Variants in WASL observed in about 807,000 individuals in gnomAD.
WASL encodes the protein actin nucleation-promoting factor WASL.
A neutral mutation model predicts 55.5 loss-of-function variants in WASL; 20 were observed. That is an observed-to-expected ratio of 0.36 (90% confidence interval 0.25 to 0.52). The LOEUF (loss-of-function observed/expected upper bound fraction) is 0.52. Among genes scored for constraint, WASL ranks in the 20% least tolerant of loss-of-function variants. The pLI is 0.92. For synonymous variants in WASL, 249 were observed against 217.6 expected (o/e 1.14, Z -1.27); for missense variants, 504 against 622.5 (o/e 0.81, Z 2.03).
intron 8 of WASL, among the ~76,000 whole-genome samples, chr7:123,694,373 ATTATAT>A (rs1803460190): frequency 6.6e-6 from 1 of 152,172 alleles, no homozygotes; most frequent in Non-Finnish European, 1.5e-5. Context: ...TTAGAAAGTG[ATTATAT>A]TTAAATTATT....
At chr7:123,739,878 G>C (rs1220227544) in intron 1 of WASL, among the ~76,000 whole-genome samples, 1 of 55,702 alleles carries the variant, frequency 1.8e-5, no homozygotes, top group Admixed American at 1.8e-4. Context: ...ATTTATATAT[G>C]TGTGTGTGTG....
chr7:123,737,844 C>A (rs1804264397), intron 1 of WASL, among the ~76,000 whole-genome samples: 1 of 152,054 alleles, frequency 6.6e-6, no homozygotes, highest in South Asian at 2.1e-4. Context: ...AAAGATTATT[C>A]CACTTAACTA....
chr7:123,692,618 G>A lies in WASL; in HGVS notation c.1076C>T (p.Pro359Leu), dbSNP rs1322034113. The A allele has an allele frequency of 5.0e-6, 8 of 1,601,572 alleles. No individual in the cohort carries two copies. In the African/African-American group the frequency reaches 8.1e-5, roughly 16 times the overall value. Residue 359 changes from proline (P) to leucine (L), a missense_variant, in exon 9 of 11, where the codon CCA (proline) becomes CTA (leucine). Pro to Leu is a moderately conservative substitution (Grantham distance 98). Coordinates refer to ENST00000223023, the MANE Select transcript of WASL (RefSeq NM_003941.4). ...ALPSSAPSGP[P>L]PPPPSVLGVG... ...CCCCAACACAGATGGAGGTGGTGGT[G>A]GAGGCCCTGAAGGTGCTGAGGAGGG...
At chr7:123,687,397 C>A (rs1452907437) in intron 10 of WASL, among the ~76,000 whole-genome samples, 2 of 152,062 alleles carry the variant, frequency 1.3e-5, no homozygotes, top group African/African-American at 4.8e-5. Flanking sequence ...CCTTACTATT[C>A]TTTCCCTCCC....
rs903720448 is a variant in WASL at position 123,706,490 on chromosome 7, C to T, written c.340-117G>A. 21 of 941,146 alleles carry T rather than the reference C, an allele frequency of 2.2e-5. No individual in the cohort carries two copies. In the Admixed American group the frequency reaches 4.9e-4, roughly 22 times the overall value. The allele number at this position is 941,146 out of a possible 1,614,324, so 58.3% of individuals were successfully genotyped here. A position where few individuals can be genotyped will look rare whatever the true frequency, so the allele number is the denominator to read the frequency against. On this transcript the variant is annotated intron_variant, in intron 3 of 10. Transcript: ENST00000223023. Reference sequence around the variant, plus strand: ...AAGAACGAAAGGTTAATTTTACTAGCAGATAAGACATTATTTTATGATCTG... The same window carrying T: ...AAGAACGAAAGGTTAATTTTACTAGTAGATAAGACATTATTTTATGATCTG...
At chr7:123,711,962 T>C (rs1453742304) in intron 1 of WASL, among the ~76,000 whole-genome samples, 1 of 152,176 alleles carries the variant, frequency 6.6e-6, no homozygotes, top group Non-Finnish European at 1.5e-5. Context: ...GTAACTGTAA[T>C]GACATATTCA....
At chr7:123,748,024 G>C (rs184640659) in intron 1 of WASL, among the ~76,000 whole-genome samples, 13 of 152,118 alleles carry the variant, frequency 8.5e-5, no homozygotes, top group Admixed American at 5.2e-4. Context: ...ACCAGGCCTA[G>C]GCAAGGTTGC....
At chr7:123,712,574 G>A (rs1482714101) in intron 1 of WASL, among the ~76,000 whole-genome samples, 2 of 152,142 alleles carry the variant, frequency 1.3e-5, no homozygotes, top group African/African-American at 4.8e-5. Context: ...TCTGGATGAA[G>A]GATATATAGA....
chr7:123,740,491 T>C (rs991826706), intron 1 of WASL, among the ~76,000 whole-genome samples: 6 of 152,216 alleles, frequency 3.9e-5, no homozygotes, highest in Non-Finnish European at 8.8e-5. Flanking sequence ...TGAATATGGT[T>C]AAGCATGCCA....
rs866172215 is a variant in WASL at position 123,694,746 on chromosome 7, A to G, written c.795T>C (p.Val265=). Residue 265 remains valine, a synonymous_variant, in exon 8 of 11, where the codon GTT becomes GTC. Transcript: ENST00000223023. ...TCCGCAGTTCATTTTTAACAGCTTCAACACCTCCTGTTTTTTCAATAAAGT... is the reference window on the plus strand; with the variant it reads ...TCCGCAGTTCATTTTTAACAGCTTCGACACCTCCTGTTTTTTCAATAAAGT... ...IYDFIEKTGG[V]EAVKNELRRQ... is the part of the protein sequence containing the mutation. 3.7e-6 allele frequency: 6 copies of G among 1,613,158 alleles called. No individual in the cohort carries two copies. In the African/African-American group the frequency reaches 4.0e-5, roughly 11 times the overall value.
At chr7:123,707,074 T>C (rs1013295515) in intron 2 of WASL, among the ~76,000 whole-genome samples, 1 of 152,154 alleles carries the variant, frequency 6.6e-6, no homozygotes, top group African/African-American at 2.4e-5. Context: ...AGCTAAGATA[T>C]AATCTCACTA....
At chr7:123,687,654 T>C (rs1438252923) in intron 10 of WASL, among the ~76,000 whole-genome samples, 1 of 152,172 alleles carries the variant, frequency 6.6e-6, no homozygotes, top group East Asian at 1.9e-4. Context: ...TTGTCCTTAC[T>C]TCATGTCACC....
chr7:123,746,324 A>G (rs980407307), intron 1 of WASL, among the ~76,000 whole-genome samples: 3 of 152,206 alleles, frequency 2.0e-5, no homozygotes, highest in African/African-American at 7.2e-5. Flanking sequence ...AGCTTCGACT[A>G]TAACTGCTTC....
intron 1 of WASL, among the ~76,000 whole-genome samples, chr7:123,739,876 ATGTGTGTGTGTGTGTGTGTGTGTGTG>A (rs745649691): frequency 3.5e-5 from 4 of 115,530 alleles, no homozygotes; most frequent in Middle Eastern, 4.0e-3. Flanking sequence ...ACATTTATAT[ATGTGTGTGTGTGTGTGTGTGTGTGTG>A]TGTGTGTGTG....
intron 1 of WASL, among the ~76,000 whole-genome samples, chr7:123,722,419 T>C (rs1455545772): frequency 6.6e-6 from 1 of 152,182 alleles, no homozygotes; most frequent in Non-Finnish European, 1.5e-5. Context: ...CTGAACAGGG[T>C]ATTAATTCAA....
chr7:123,694,475 G>T (rs903481822), intron 8 of WASL, among the ~76,000 whole-genome samples: 7 of 152,082 alleles, frequency 4.6e-5, no homozygotes, highest in African/African-American at 1.7e-4. Context: ...CTTTAAAATA[G>T]AATAGCTGGG....
chr7:123,729,891 A>G (rs1362920750), intron 1 of WASL, among the ~76,000 whole-genome samples: 3 of 152,172 alleles, frequency 2.0e-5, no homozygotes, highest in Non-Finnish European at 4.4e-5. Context: ...AATTAGGAGC[A>G]TGAAACAAGG....
chr7:123,713,576 T>C (rs1481143848), intron 1 of WASL, among the ~76,000 whole-genome samples: 3 of 152,176 alleles, frequency 2.0e-5, no homozygotes, highest in African/African-American at 4.8e-5. Context: ...ACTCCAACTT[T>C]TATATGTACG....
chr7:123,704,988 T>C (rs1338834222), intron 4 of WASL, among the ~76,000 whole-genome samples: 4 of 152,196 alleles, frequency 2.6e-5, no homozygotes, highest in African/African-American at 9.6e-5. Context: ...ATAGATTTTA[T>C]GTGTATATGA....
Sources: gnomAD v4.1 joint callset for allele counts (sites outside exome capture counted in the v4.1 genomes callset) on GRCh38, gnomAD v4.1.1 for gene constraint, MANE v1.5 for transcripts, NCBI Gene and HGNC (gene_info 2026-07-23, HGNC 2026-07-21) for gene names.